PAM: variants seen among roughly 807,000 people sequenced by gnomAD.
The protein encoded by PAM is peptidyl-glycine alpha-amidating monooxygenase.
In PAM, 72 loss-of-function variants were observed where a neutral mutation model predicts 122.1. The ratio of observed to expected loss-of-function variants is 0.59; its 90% confidence interval spans 0.49 to 0.72. The LOEUF (loss-of-function observed/expected upper bound fraction) is 0.72. Ranked by LOEUF, PAM falls within the 30% of genes least tolerant of loss-of-function variation. PAM has a pLI of 0.00. For synonymous variants in PAM, 389 were observed against 404.4 expected, an observed-to-expected ratio of 0.96 and a Z score of 0.46; for missense variants, 1,106 against 1,183.7, an observed-to-expected ratio of 0.93 and a Z score of 0.96.
intron 1 of PAM, among the ~76,000 whole-genome samples, chr5:102,835,521 A>G (rs962189062): frequency 6.6e-6 from 1 of 152,120 alleles, no homozygotes; most frequent in Non-Finnish European, 1.5e-5. Flanking sequence ...GGATTCACAT[A>G]CCTAAAAATG....
At chr5:102,931,206 T>G (rs914672868) in intron 7 of PAM, among the ~76,000 whole-genome samples, 3 of 152,218 alleles carry the variant, frequency 2.0e-5, no homozygotes, top group African/African-American at 7.2e-5. Flanking sequence ...GTGGTTACTT[T>G]TCAAAGATGT....
Position 103,002,374 on chromosome 5 carries a change from T to A in PAM, c.1614-659T>A, listed in dbSNP as rs996414697. Among the ~76,000 whole-genome samples the A allele has an allele frequency of 4.6e-5, 7 of 152,298 alleles. No homozygotes were observed. The South Asian group carries it at 8.3e-4, about 18-fold the overall frequency. ...CAGAAATTGTCATATTTAAGTTTTT[T>A]AATTAATTATTGCATAGTTGTTCAT... On this transcript the variant is annotated intron_variant, in intron 16 of 25. Coordinates refer to ENST00000438793, the MANE Select transcript of PAM (RefSeq NM_001177306.2).
rs953757189 is a variant in PAM at position 102,771,387 on chromosome 5, T to C, written c.-374+16039T>C. ...ACCCATTTGCCAAGTGGGAATGAAA[T>C]TGAAGTTTATTGTTAGTGCTGCATT... On this transcript the variant is annotated intron_variant, in intron 1 of 25. Coordinates refer to ENST00000438793, the MANE Select transcript of PAM (RefSeq NM_001177306.2). Among the ~76,000 whole-genome samples the C allele has an allele frequency of 1.2e-4, 18 of 152,078 alleles. 1 individual carries two copies. The highest frequency in any genetic ancestry group is 4.3e-4 in the African/African-American group (18 of 41,434).
chr5:102,759,010 G>C (rs1196210624), intron 1 of PAM, among the ~76,000 whole-genome samples: 2 of 152,092 alleles, frequency 1.3e-5, no homozygotes, highest in African/African-American at 4.8e-5. Context: ...CTTTTTCCTA[G>C]GCACTGACAT....
chr5:102,804,532 G>C (rs1319100752), intron 1 of PAM, among the ~76,000 whole-genome samples: 1 of 152,136 alleles, frequency 6.6e-6, no homozygotes, highest in Non-Finnish European at 1.5e-5. Flanking sequence ...CATTAAGTCA[G>C]TATGAATTAG....
At chr5:102,992,984 C>T (rs1380383076) in intron 16 of PAM, among the ~76,000 whole-genome samples, 2 of 152,068 alleles carry the variant, frequency 1.3e-5, no homozygotes, top group African/African-American at 4.8e-5. Context: ...ATCATTGCAT[C>T]AGCTGTCTTT....
intron 14 of PAM, among the ~76,000 whole-genome samples, chr5:102,970,618 G>A (rs12652973): frequency 0.26 from 39,013 of 151,928 alleles, 5,628 homozygotes; most frequent in East Asian, 0.43. Flanking sequence ...GAATTCTGGA[G>A]GAATGGCATT....
intron 8 of PAM, among the ~76,000 whole-genome samples, chr5:102,948,099 A>T (rs973944435): frequency 1.3e-5 from 2 of 152,220 alleles, no homozygotes; most frequent in African/African-American, 4.8e-5. Flanking sequence ...AATCACATTT[A>T]AAAATCACCT....
chr5:102,890,683 T>C (rs903884943), intron 3 of PAM, among the ~76,000 whole-genome samples: 2 of 151,892 alleles, frequency 1.3e-5, no homozygotes, highest in Admixed American at 1.3e-4. Context: ...TGTGTATTTG[T>C]AAGCCTGAGA....
At chr5:103,003,650 C>T (rs1778077845) in intron 17 of PAM, among the ~76,000 whole-genome samples, 1 of 151,884 alleles carries the variant, frequency 6.6e-6, no homozygotes, top group African/African-American at 2.4e-5. Context: ...TCTTAAGTTC[C>T]CAGGTGATTT....
chr5:102,808,971 G>A (rs1262085136), intron 1 of PAM, among the ~76,000 whole-genome samples: 7 of 152,288 alleles, frequency 4.6e-5, no homozygotes, highest in Non-Finnish European at 1.0e-4. Context: ...AAAGAATATA[G>A]TAGAACCACT....
intron 15 of PAM, among the ~76,000 whole-genome samples, chr5:102,979,772 G>T (rs1284082511): frequency 6.6e-6 from 1 of 151,924 alleles, no homozygotes; most frequent in Admixed American, 6.6e-5. Context: ...ATGATTAATT[G>T]ATGCAATTTT....
chr5:102,895,668 T>C (rs1796006460), intron 3 of PAM, among the ~76,000 whole-genome samples: 1 of 151,696 alleles, frequency 6.6e-6, no homozygotes, highest in African/African-American at 2.4e-5. Flanking sequence ...AGTAAGATAG[T>C]GGACAGACCC....
chr5:102,910,050 C>T (rs947371118), intron 4 of PAM, among the ~76,000 whole-genome samples: 5 of 151,816 alleles, frequency 3.3e-5, no homozygotes, highest in Non-Finnish European at 5.9e-5. Flanking sequence ...GGTTTCTCTA[C>T]TTGGTTATGT....
chr5:102,920,610 A>G (rs1747092898), intron 5 of PAM, among the ~76,000 whole-genome samples: 1 of 152,128 alleles, frequency 6.6e-6, no homozygotes, highest in African/African-American at 2.4e-5. Context: ...TAGTATTTGA[A>G]TATCTGACTC....
intron 21 of PAM, among the ~76,000 whole-genome samples, chr5:103,010,472 C>G (rs1780279993): frequency 6.6e-6 from 1 of 152,200 alleles, no homozygotes; most frequent in Non-Finnish European, 1.5e-5. Flanking sequence ...GCCCTTCTGT[C>G]TTCTCAGTGT....
At chr5:103,024,305 A>G (rs1407152717) in intron 23 of PAM, among the ~76,000 whole-genome samples, 1 of 152,270 alleles carries the variant, frequency 6.6e-6, no homozygotes, top group South Asian at 2.1e-4. Context: ...GCAGCAGCTT[A>G]TATAGTTTCA....
At chr5:102,786,675 A>G (rs1760633294) in intron 1 of PAM, among the ~76,000 whole-genome samples, 2 of 152,182 alleles carry the variant, frequency 1.3e-5, no homozygotes, top group Non-Finnish European at 2.9e-5. Flanking sequence ...AGTTAGACAC[A>G]TGCCATTTTT....
At chr5:102,923,624 T>A (rs1053081331) in intron 5 of PAM, among the ~76,000 whole-genome samples, 1 of 152,100 alleles carries the variant, frequency 6.6e-6, no homozygotes, top group Non-Finnish European at 1.5e-5. Context: ...GGGAAAAAAA[T>A]GGTGGCTTGG....
Sources: gnomAD v4.1 joint callset for allele counts (sites outside exome capture counted in the v4.1 genomes callset) on GRCh38, gnomAD v4.1.1 for gene constraint, MANE v1.5 for transcripts, NCBI Gene and HGNC (gene_info 2026-07-23, HGNC 2026-07-21) for gene names.